Variants in ROCK1 observed in about 807,000 individuals in gnomAD.
ROCK1 encodes rho-associated protein kinase 1.
Under a neutral mutation model 196.8 loss-of-function variants are expected in ROCK1, and 36 were observed. That is an observed-to-expected ratio of 0.18 (90% CI 0.14 to 0.24). The LOEUF (loss-of-function observed/expected upper bound fraction) is 0.24, where lower values mean the gene tolerates loss of function less well. ROCK1 is among the 10% of genes least tolerant of loss of function. The pLI is 1.00. For missense variants in ROCK1, 920 were observed against 1,562.0 expected, an observed-to-expected ratio of 0.59 and a Z score of 6.93; for synonymous variants, 443 against 515.9, an observed-to-expected ratio of 0.86 and a Z score of 1.91.
chr18:21,015,426 AG>A lies in ROCK1; in HGVS notation c.1410+4del. Reference sequence around the variant, plus strand: ...AAGGAAACTTGATTAGAAAACAAAAAGTACCTCTTCATCCAATTCTTTCATT... The same window carrying A: ...AAGGAAACTTGATTAGAAAACAAAAATACCTCTTCATCCAATTCTTTCATT... On this transcript the variant is annotated splice_donor_region_variant and intron_variant, in intron 13 of 32. Coordinates refer to ENST00000399799, the MANE Select transcript of ROCK1 (RefSeq NM_005406.3). 1 of 1,553,900 alleles carries A rather than the reference AG, an allele frequency of 6.4e-7. No homozygotes were observed.
intron 21 of ROCK1, among the ~76,000 whole-genome samples, chr18:20,982,327 T>C (rs1194132606): frequency 6.6e-6 from 1 of 152,202 alleles, no homozygotes; most frequent in East Asian, 1.9e-4. Context: ...CCTTGGCTTA[T>C]TATAATGTCC....
At chr18:21,004,830 T>C (rs1298074470) in intron 16 of ROCK1, among the ~76,000 whole-genome samples, 1 of 152,210 alleles carries the variant, frequency 6.6e-6, no homozygotes, top group Non-Finnish European at 1.5e-5. Context: ...TATAAAGTGG[T>C]TACTTTCTTA....
intron 25 of ROCK1, 91 bp downstream of exon 25, chr18:20,968,681 A>G: frequency 2.7e-6 from 2 of 750,062 alleles, no homozygotes; most frequent in East Asian, 2.5e-5. Flanking sequence ...AAAAGCTTGA[A>G]CCTTATAAGC....
intron 27 of ROCK1, among the ~76,000 whole-genome samples, chr18:20,964,634 G>T (rs1333629092): frequency 2.0e-5 from 3 of 152,104 alleles, no homozygotes; most frequent in Non-Finnish European, 4.4e-5. Flanking sequence ...AAGGGAGAAT[G>T]GCTACCAGTA....
chr18:21,064,395 T>C (rs549983471), intron 2 of ROCK1, among the ~76,000 whole-genome samples: 2 of 152,348 alleles, frequency 1.3e-5, no homozygotes, highest in South Asian at 4.1e-4. Flanking sequence ...CTGTGTATCA[T>C]TACATTCTCT....
chr18:20,968,409 C>G (rs538759181), intron 25 of ROCK1: 1 of 185,184 alleles, frequency 5.4e-6, no homozygotes, highest in African/African-American at 2.4e-5. Flanking sequence ...TGGGTTCAAG[C>G]AATTCTCGTG....
In ROCK1 at chr18:20,970,448, C is replaced by G. The variant is rs756956320; in HGVS notation, c.2720G>C (p.Gly907Ala). The change falls in exon 23 of 33, where the codon GGC (glycine) becomes GCC (alanine). Residue 907 changes from glycine to alanine, a missense_variant. Physicochemically the swap from Gly to Ala is moderately conservative, Grantham distance 60 (BLOSUM62 0). Coordinates refer to ENST00000399799, the MANE Select transcript of ROCK1 (RefSeq NM_005406.3). ...TKAESEQLARGLLEEQYFELT... is the reference protein window; with the variant it reads ...TKAESEQLARALLEEQYFELT... ...TTCAAAATACTGTTCTTCCAGAAGG[C>G]CTCGCGCCAACTGCTCAGACTCAGC... 1 of 1,613,884 alleles carries G rather than the reference C, an allele frequency of 6.2e-7. No homozygotes were observed. The highest frequency in any genetic ancestry group is 1.3e-5 in the African/African-American group (1 of 75,040).
chr18:20,973,797 CTT>C (rs766676820), intron 22 of ROCK1, among the ~76,000 whole-genome samples: 11 of 139,014 alleles, frequency 7.9e-5, no homozygotes, highest in Non-Finnish European at 7.9e-5. Flanking sequence ...ATATTTGGCA[CTT>C]TTTTTTTTTT....
chr18:20,994,854 A>G (rs912231140), intron 16 of ROCK1, among the ~76,000 whole-genome samples: 13 of 152,238 alleles, frequency 8.5e-5, no homozygotes, highest in African/African-American at 3.1e-4. Flanking sequence ...TACAGAAAAT[A>G]TAAAAACATA....
At chr18:21,017,241 G>T (rs1010411618) in intron 12 of ROCK1, among the ~76,000 whole-genome samples, 1 of 142,634 alleles carries the variant, frequency 7.0e-6, no homozygotes, top group South Asian at 2.2e-4. Flanking sequence ...GCCCATGCTG[G>T]AGTGCAGCAG....
At chr18:20,963,699 C>T (rs1008188974) in intron 27 of ROCK1, among the ~76,000 whole-genome samples, 2 of 151,976 alleles carry the variant, frequency 1.3e-5, no homozygotes, top group African/African-American at 4.8e-5. Context: ...GTTAACAGTT[C>T]CAAAAGAAGG....
In ROCK1 at chr18:21,106,833, T is replaced by C. The variant is rs181176726; in HGVS notation, c.93+3985A>G. On this transcript the variant is annotated intron_variant, in intron 1 of 32. Transcript: ENST00000399799. Reference sequence around the variant, plus strand: ...ATGAAGATTGAACTTACTTAGTTCTTGAAAAAAATTACAGGTGTTCGAGAA... The same window carrying C: ...ATGAAGATTGAACTTACTTAGTTCTCGAAAAAAATTACAGGTGTTCGAGAA... Among the ~76,000 whole-genome samples, 11 of 152,328 alleles carry C rather than the reference T, an allele frequency of 7.2e-5. No homozygotes were observed. In the East Asian group the frequency reaches 2.1e-3, roughly 29 times the overall value.
chr18:21,064,131 C>G (rs2036314383), intron 2 of ROCK1, among the ~76,000 whole-genome samples: 1 of 152,092 alleles, frequency 6.6e-6, no homozygotes, highest in South Asian at 2.1e-4. Flanking sequence ...AACCCATTAA[C>G]CCAAAAGCCC....
Position 21,093,751 on chromosome 18 carries a change from T to C in ROCK1, c.93+17067A>G, listed in dbSNP as rs1265065395. Among the ~76,000 whole-genome samples the C allele has an allele frequency of 8.5e-5, 13 of 152,070 alleles. No homozygotes were observed. The East Asian group carries it at 9.7e-4, about 11-fold the overall frequency. On this transcript the variant is annotated intron_variant, in intron 1 of 32. Coordinates refer to ENST00000399799, the MANE Select transcript of ROCK1 (RefSeq NM_005406.3). ...GGCAGATCAAGACTTGGTTAGGAGA[T>C]TGAAACCATCCTGGCTAATATGGTG...
At chr18:21,108,582 T>C (rs1446552539) in intron 1 of ROCK1, among the ~76,000 whole-genome samples, 1 of 152,200 alleles carries the variant, frequency 6.6e-6, no homozygotes, top group Non-Finnish European at 1.5e-5. Context: ...TTTACCATTC[T>C]CCCTATAATC....
intron 16 of ROCK1, among the ~76,000 whole-genome samples, chr18:20,993,254 A>T (rs1289079342): frequency 1.3e-5 from 2 of 152,126 alleles, no homozygotes; most frequent in Non-Finnish European, 2.9e-5. Flanking sequence ...CCCAGGCTGG[A>T]GTGCAGTGGC....
At chr18:21,037,950 T>G (rs1258475661) in intron 9 of ROCK1, among the ~76,000 whole-genome samples, 1 of 152,198 alleles carries the variant, frequency 6.6e-6, no homozygotes, top group Non-Finnish European at 1.5e-5. Context: ...AAAAATATCC[T>G]TGTTACTTTT....
At chr18:20,962,305 A>C (rs566781082) in intron 27 of ROCK1, among the ~76,000 whole-genome samples, 1 of 152,308 alleles carries the variant, frequency 6.6e-6, no homozygotes, top group East Asian at 1.9e-4. Context: ...CTCTGGTTTT[A>C]AAGTGTAGTT....
intron 32 of ROCK1, among the ~76,000 whole-genome samples, chr18:20,951,918 G>A (rs1287161552): frequency 5.3e-5 from 8 of 152,198 alleles, no homozygotes; most frequent in Non-Finnish European, 8.8e-5. Context: ...AAGGTGGTAT[G>A]TGGTAGAATA....
Sources: allele counts gnomAD v4.1 joint callset (sites outside exome capture counted in the v4.1 genomes callset), GRCh38; gene constraint gnomAD v4.1.1; transcripts MANE v1.5; gene names NCBI Gene and HGNC (gene_info 2026-07-23, HGNC 2026-07-21).